Variants in RBFOX1 observed in about 807,000 individuals in gnomAD.
RBFOX1 encodes RNA binding protein fox-1 homolog 1.
In RBFOX1, 8 loss-of-function variants were observed where a neutral mutation model predicts 57.7. That is an observed-to-expected ratio of 0.14 (90% confidence interval 0.08 to 0.25). The LOEUF (loss-of-function observed/expected upper bound fraction) is 0.25, where lower values mean the gene tolerates loss of function less well. RBFOX1 is among the 10% of genes least tolerant of loss of function. The pLI is 1.00. For missense variants in RBFOX1, 611 were observed against 548.5 expected, an observed-to-expected ratio of 1.11 and a Z score of -1.14; for synonymous variants, 326 against 222.4, an observed-to-expected ratio of 1.47 and a Z score of -4.15.
chr16:7,705,544 C>T (rs920695267), intron 14 of RBFOX1, among the ~76,000 whole-genome samples: 3 of 152,024 alleles, frequency 2.0e-5, no homozygotes, highest in African/African-American at 7.2e-5. Context: ...GTGCCTGGAG[C>T]ACAGTAACCA....
chr16:6,005,859 G>A (rs2094924329), intron 4 of RBFOX1, among the ~76,000 whole-genome samples: 1 of 152,226 alleles, frequency 6.6e-6, no homozygotes, highest in Non-Finnish European at 1.5e-5. Context: ...CTCAATAGGT[G>A]ATGAAGTAGA....
intron 1 of RBFOX1, among the ~76,000 whole-genome samples, chr16:6,123,053 T>C (rs1319011684): frequency 6.6e-6 from 1 of 152,144 alleles, no homozygotes; most frequent in Non-Finnish European, 1.5e-5. Context: ...AATCTTTGCA[T>C]AACTTAGGGA....
chr16:7,356,762 A>T (rs2097221170), intron 4 of RBFOX1, among the ~76,000 whole-genome samples: 1 of 152,132 alleles, frequency 6.6e-6, no homozygotes, highest in Non-Finnish European at 1.5e-5. Context: ...AAACAGGGAC[A>T]CTCTCACATG....
chr16:6,742,264 C>T (rs2072403370), intron 3 of RBFOX1, among the ~76,000 whole-genome samples: 1 of 152,082 alleles, frequency 6.6e-6, no homozygotes, highest in Admixed American at 6.6e-5. Context: ...TAGGGAAATG[C>T]AGATTAAGAA....
At chr16:7,002,389 A>G (rs1308202836) in intron 3 of RBFOX1, among the ~76,000 whole-genome samples, 1 of 152,202 alleles carries the variant, frequency 6.6e-6, no homozygotes, top group African/African-American at 2.4e-5. Context: ...TTTTCTGTTT[A>G]TCCAGCAAGA....
chr16:7,633,217 T>A (rs565518414), intron 11 of RBFOX1, among the ~76,000 whole-genome samples: 1 of 152,296 alleles, frequency 6.6e-6, no homozygotes, highest in South Asian at 2.1e-4. Context: ...ACAGAAGAAG[T>A]GTACTGATCT....
At chr16:6,252,433 A>C (rs1400309088) in intron 1 of RBFOX1, among the ~76,000 whole-genome samples, 3 of 152,312 alleles carry the variant, frequency 2.0e-5, no homozygotes, top group Non-Finnish European at 2.9e-5. Flanking sequence ...GCATCTTCCA[A>C]GTTGTTCTTA....
chr16:6,367,727 A>G (rs571923871), intron 2 of RBFOX1, among the ~76,000 whole-genome samples: 1 of 149,056 alleles, frequency 6.7e-6, no homozygotes, highest in Admixed American at 6.8e-5. Context: ...TCTTTTGGAC[A>G]GGTAGAATGA....
intron 2 of RBFOX1, among the ~76,000 whole-genome samples, chr16:6,393,368 C>T (rs1049179184): frequency 2.0e-5 from 3 of 152,110 alleles, no homozygotes; most frequent in South Asian, 2.1e-4. Flanking sequence ...AGCAGTGCTT[C>T]GGATACAGGG....
At chr16:5,759,088 A>G (rs1211669135) in intron 3 of RBFOX1, among the ~76,000 whole-genome samples, 1 of 152,182 alleles carries the variant, frequency 6.6e-6, no homozygotes, top group Non-Finnish European at 1.5e-5. Context: ...CTACTAGTAT[A>G]TACTTCTCTG....
chr16:6,515,762 C>A (rs960991150), intron 2 of RBFOX1, among the ~76,000 whole-genome samples: 1 of 152,134 alleles, frequency 6.6e-6, no homozygotes, highest in Non-Finnish European at 1.5e-5. Flanking sequence ...TAGCCATAAA[C>A]ATACTTGCAC....
At chr16:5,983,130 G>C (rs1347342020) in intron 4 of RBFOX1, among the ~76,000 whole-genome samples, 1 of 152,148 alleles carries the variant, frequency 6.6e-6, no homozygotes, top group Non-Finnish European at 1.5e-5. Context: ...TTAACTCCCT[G>C]CATTCTCCCA....
At chr16:5,350,350 A>G (rs937434610) in intron 1 of RBFOX1, among the ~76,000 whole-genome samples, 1 of 152,024 alleles carries the variant, frequency 6.6e-6, no homozygotes, top group African/African-American at 2.4e-5. Context: ...CTCTGTGGGG[A>G]TGTTCTGGGA....
rs917397803 is a variant in RBFOX1 at position 6,185,058 on chromosome 16, C to T, written c.-126-131937C>T. ...GAGATGTCAAGGAGACAGCTCTGTG[C>T]GTCTGTAGAACAAGGAAGAGGTTTG... On this transcript the variant is annotated intron_variant, in intron 1 of 15. Transcript: ENST00000550418. 1.5e-4 allele frequency among the ~76,000 whole-genome samples: 23 copies of T among 152,076 alleles called. 1 individual carries two copies. The highest frequency in any genetic ancestry group is 9.2e-4 in the Admixed American group (14 of 15,272).
Position 7,192,677 on chromosome 16 carries a change from C to T in RBFOX1, c.27+140579C>T, listed in dbSNP as rs544257366. Among the ~76,000 whole-genome samples, 15 of 152,212 alleles carry T rather than the reference C, an allele frequency of 9.9e-5. No homozygotes were observed. The East Asian group carries it at 2.3e-3, about 24-fold the overall frequency. On this transcript the variant is annotated intron_variant, in intron 4 of 15. Transcript: ENST00000550418. ...TGTTTCGACGTCAATTTCCTGGTAC[C>T]CATCATTGTATTATGATTAAGTATG...
chr16:7,511,903 C>G (rs548552224), intron 4 of RBFOX1, among the ~76,000 whole-genome samples: 1 of 152,122 alleles, frequency 6.6e-6, no homozygotes, highest in African/African-American at 2.4e-5. Flanking sequence ...TTCTTTCATC[C>G]TCCTTTTGTG....
At chr16:6,820,205 G>C (rs986854877) in intron 3 of RBFOX1, among the ~76,000 whole-genome samples, 1 of 152,114 alleles carries the variant, frequency 6.6e-6, no homozygotes, top group Non-Finnish European at 1.5e-5. Context: ...TGATTGTGAG[G>C]CCTCCCCAGC....
At chr16:5,404,464 A>T (rs1369988374) in intron 1 of RBFOX1, among the ~76,000 whole-genome samples, 1 of 152,170 alleles carries the variant, frequency 6.6e-6, no homozygotes, top group East Asian at 1.9e-4. Flanking sequence ...TCTCCCGATC[A>T]GTGATCTCTG....
chr16:5,880,951 A>G (rs759541528), intron 4 of RBFOX1, among the ~76,000 whole-genome samples: 2 of 152,216 alleles, frequency 1.3e-5, no homozygotes, highest in Non-Finnish European at 2.9e-5. Flanking sequence ...ATATTTTGAG[A>G]TATCTGTGAC....
Sources: allele counts gnomAD v4.1 joint callset (sites outside exome capture counted in the v4.1 genomes callset), GRCh38; gene constraint gnomAD v4.1.1; transcripts MANE v1.5; gene names NCBI Gene and HGNC (gene_info 2026-07-23, HGNC 2026-07-21).